The following GNB1 variants were observed in gnomAD, a reference collection of about 807,000 sequenced individuals.
GNB1 encodes the protein guanine nucleotide-binding protein G(I)/G(S)/G(T) subunit beta-1.
GNB1 carries 2 observed loss-of-function variants against 42.9 expected under a neutral mutation model. The ratio of observed to expected loss-of-function variants is 0.05; its 90% confidence interval spans 0.02 to 0.15. The LOEUF is 0.15. Ranked by LOEUF, GNB1 falls within the 10% of genes least tolerant of loss-of-function variation. The pLI is 1.00. For missense variants in GNB1, 193 were observed against 462.2 expected (o/e 0.42, Z 5.34); for synonymous variants, 183 against 174.7 (o/e 1.05, Z -0.38).
At chr1:1,788,447 TC>T (rs1646436148) in intron 10 of GNB1, 1 of 154,400 alleles carries the variant, frequency 6.5e-6, no homozygotes, top group East Asian at 1.9e-4. Flanking sequence ...TCCACTCTGG[TC>T]CCCCCAGGCT....
At chr1:1,820,453 T>C (rs1404636681) in intron 3 of GNB1, among the ~76,000 whole-genome samples, 1 of 151,926 alleles carries the variant, frequency 6.6e-6, no homozygotes, top group Non-Finnish European at 1.5e-5. Flanking sequence ...AAGCTCTTTA[T>C]TGGTCATTCT....
intron 1 of GNB1, among the ~76,000 whole-genome samples, chr1:1,860,793 A>C (rs1648580685): frequency 6.6e-6 from 1 of 152,056 alleles, no homozygotes; most frequent in Admixed American, 6.6e-5. Context: ...AGCCTCACCT[A>C]CTGCTCTGCC....
In GNB1 at chr1:1,790,356, CG is replaced by C. The variant is rs1279381684; in HGVS notation, c.699+38del. ...TAGCAATCTGAACGGCTAGCAGAGA[CG>C]GCAGAGGACCCGACCCCACACCTCC... On this transcript the variant is annotated intron_variant, in intron 9 of 11. Transcript: ENST00000378609. The surrounding 1 kb of genome is among the most constrained non-coding windows in gnomAD (Gnocchi z 5.4). The C allele has an allele frequency of 7.2e-7, 1 of 1,396,340 alleles. No individual in the cohort carries two copies. The highest frequency in any genetic ancestry group is 1.4e-5 in the African/African-American group (1 of 70,600). 86.5% of individuals were successfully genotyped at this position (1,396,340 alleles called of 1,614,324 possible).
At chr1:1,873,705 C>A in intron 1 of GNB1, among the ~76,000 whole-genome samples, 1 of 152,166 alleles carries the variant, frequency 6.6e-6, no homozygotes, top group Non-Finnish European at 1.5e-5. Flanking sequence ...GTAATCCCAG[C>A]TACTCAGGAG....
intron 5 of GNB1, among the ~76,000 whole-genome samples, chr1:1,812,407 T>C (rs142793899): frequency 2.7e-4 from 39 of 146,306 alleles, no homozygotes; most frequent in South Asian, 1.1e-3. Context: ...CACACATACA[T>C]ACACACACAC....
intron 7 of GNB1, among the ~76,000 whole-genome samples, chr1:1,802,717 T>C (rs768163640): frequency 1.3e-5 from 2 of 150,688 alleles, no homozygotes; most frequent in African/African-American, 2.5e-5. Context: ...TGAGCTGAGA[T>C]TGCACCACTG....
intron 1 of GNB1, among the ~76,000 whole-genome samples, chr1:1,884,126 C>T (rs572575944): frequency 1.3e-5 from 2 of 151,270 alleles, no homozygotes; most frequent in South Asian, 2.1e-4. Context: ...CCACCATGCC[C>T]GACTAATTTT....
intron 1 of GNB1, among the ~76,000 whole-genome samples, chr1:1,889,755 AG>A (rs1254692950): frequency 6.6e-6 from 1 of 152,212 alleles, no homozygotes; most frequent in Non-Finnish European, 1.5e-5. Flanking sequence ...AACGGACACA[AG>A]AAATGTTAAA....
intron 1 of GNB1, among the ~76,000 whole-genome samples, chr1:1,844,264 A>G (rs1341804673): frequency 6.6e-6 from 1 of 151,312 alleles, no homozygotes; most frequent in Non-Finnish European, 1.5e-5. Context: ...GGTGGCATGC[A>G]CCTGTAGTCC....
At chr1:1,855,007 A>G (rs1164973746) in intron 1 of GNB1, among the ~76,000 whole-genome samples, 1 of 152,104 alleles carries the variant, frequency 6.6e-6, no homozygotes, top group Non-Finnish European at 1.5e-5. Context: ...AAAAATACAA[A>G]AATTAGCCAG....
Position 1,855,506 on chromosome 1 carries a change from C to A in GNB1, c.-95-16268G>T, listed in dbSNP as rs145923893. Among the ~76,000 whole-genome samples the A allele has an allele frequency of 8.2e-3, 1,244 of 152,028 alleles. 21 individuals carry two copies. The highest frequency in any genetic ancestry group is 0.029 in the African/African-American group (1,208 of 41,470). ...CACAAGGTCAGGAGATCAAGACCAT[C>A]CTGGCTAACACAGTGAAACCCCATC... On this transcript the variant is annotated intron_variant, in intron 1 of 11. Coordinates refer to ENST00000378609, the MANE Select transcript of GNB1 (RefSeq NM_002074.5).
At chr1:1,796,319 C>A (rs929393763) in intron 7 of GNB1, among the ~76,000 whole-genome samples, 1 of 152,188 alleles carries the variant, frequency 6.6e-6, no homozygotes, top group Non-Finnish European at 1.5e-5. Flanking sequence ...ACCCCTTCTT[C>A]CAGGAAAGCC....
chr1:1,814,402 T>G (rs1342794065), intron 5 of GNB1, among the ~76,000 whole-genome samples: 1 of 152,240 alleles, frequency 6.6e-6, no homozygotes, highest in East Asian at 1.9e-4. Flanking sequence ...ATTATTTAGA[T>G]AGAACAGGCA....
chr1:1,870,873 G>A (rs1174259076), intron 1 of GNB1, among the ~76,000 whole-genome samples: 1 of 152,040 alleles, frequency 6.6e-6, no homozygotes, highest in African/African-American at 2.4e-5. Flanking sequence ...GGGAGGTGGA[G>A]TGAGCCAAGA....
At chr1:1,820,872 C>T (rs747537549) in intron 3 of GNB1, among the ~76,000 whole-genome samples, 7 of 152,156 alleles carry the variant, frequency 4.6e-5, no homozygotes, top group Non-Finnish European at 1.0e-4. Flanking sequence ...TAACTGAGTG[C>T]AGCACTTTGC....
At chr1:1,797,654 C>T (rs1178072652) in intron 7 of GNB1, among the ~76,000 whole-genome samples, 1 of 152,222 alleles carries the variant, frequency 6.6e-6, no homozygotes, top group Non-Finnish European at 1.5e-5. Context: ...GCAGGCTGGT[C>T]TTGCACTCCT....
At chr1:1,873,959 T>C (rs996395368) in intron 1 of GNB1, among the ~76,000 whole-genome samples, 1 of 152,188 alleles carries the variant, frequency 6.6e-6, no homozygotes. Flanking sequence ...AACGCATACC[T>C]GCCTCTAGGG....
chr1:1,790,648 C>T lies in GNB1; in HGVS notation c.498-52G>A, dbSNP rs1646469475. ...ACATCAGCCTTAACTTCTTGGGTGG[C>T]TAGTCATGTGACAGACAATCTGTCC... On this transcript the variant is annotated intron_variant, in intron 8 of 11. Transcript: ENST00000378609. The surrounding 1 kb of genome is among the most constrained non-coding windows in gnomAD (Gnocchi z 5.4). 4.7e-6 allele frequency: 6 copies of T among 1,281,600 alleles called. No homozygotes were observed. In the South Asian group the frequency reaches 6.1e-5, roughly 13 times the overall value. The allele number at this position is 1,281,600 out of a possible 1,614,324, so 79.4% of individuals were successfully genotyped here. A position where few individuals can be genotyped will look rare whatever the true frequency, so the allele number is the denominator to read the frequency against.
At chr1:1,874,212 T>C (rs915920592) in intron 1 of GNB1, among the ~76,000 whole-genome samples, 3 of 152,150 alleles carry the variant, frequency 2.0e-5, no homozygotes, top group African/African-American at 7.2e-5. Flanking sequence ...GGCTCACGCC[T>C]GTAATCCCAG....
Sources: gnomAD v4.1 joint callset for allele counts (sites outside exome capture counted in the v4.1 genomes callset) on GRCh38, gnomAD v4.1.1 for gene constraint, Gnocchi (gnomAD v3.1) non-coding constraint, MANE v1.5 for transcripts, NCBI Gene and HGNC (gene_info 2026-07-23, HGNC 2026-07-21) for gene names.